TMEFF2: variants seen among roughly 807,000 people sequenced by gnomAD.
The protein encoded by TMEFF2 is tomoregulin-2.
In TMEFF2, 28 loss-of-function variants were observed where a neutral mutation model predicts 53.8. The ratio of observed to expected loss-of-function variants is 0.52; its 90% CI spans 0.39 to 0.71. The LOEUF is 0.71. TMEFF2 is among the 30% of genes least tolerant of loss of function. TMEFF2 has a pLI of 0.00. For synonymous variants in TMEFF2, 162 were observed against 166.3 expected (o/e 0.97, Z 0.20); for missense variants, 353 against 455.2 (o/e 0.78, Z 2.04).
At chr2:192,187,696 C>T (rs1369026854) in intron 2 of TMEFF2, among the ~76,000 whole-genome samples, 1 of 152,122 alleles carries the variant, frequency 6.6e-6, no homozygotes, top group Non-Finnish European at 1.5e-5. Flanking sequence ...GAAAGTGATT[C>T]TATTTTTCTA....
chr2:192,187,784 C>A (rs1043133995), intron 2 of TMEFF2, among the ~76,000 whole-genome samples: 1 of 152,330 alleles, frequency 6.6e-6, no homozygotes, highest in South Asian at 2.1e-4. Context: ...GGGCTACCCA[C>A]CACACTAGTG....
intron 5 of TMEFF2, chr2:192,030,505 G>A (rs1167202439): frequency 1.3e-5 from 2 of 152,014 alleles, no homozygotes; most frequent in Non-Finnish European, 2.9e-5. Flanking sequence ...AAAGGAATCT[G>A]TGAGCTGACC....
chr2:192,119,591 T>TA (rs1485535655), intron 4 of TMEFF2, among the ~76,000 whole-genome samples: 3 of 152,222 alleles, frequency 2.0e-5, no homozygotes, highest in Non-Finnish European at 2.9e-5. Context: ...ATCACACAGT[T>TA]ATATGCATTT....
At chr2:191,999,871 C>T (rs1686314537) in intron 5 of TMEFF2, among the ~76,000 whole-genome samples, 1 of 151,432 alleles carries the variant, frequency 6.6e-6, no homozygotes, top group Non-Finnish European at 1.5e-5. Flanking sequence ...TGTCTTGGGC[C>T]CCTTTAAGCA....
intron 4 of TMEFF2, among the ~76,000 whole-genome samples, chr2:192,075,591 G>A (rs1246768193): frequency 6.6e-6 from 1 of 151,538 alleles, no homozygotes; most frequent in Admixed American, 6.6e-5. Context: ...GGCATATAGA[G>A]ATTTAATTAT....
At position 191,987,498 on chromosome 2, in the gene TMEFF2, T is replaced by G. The variant is rs73033592; in HGVS notation, c.745+10764A>C. Among the ~76,000 whole-genome samples, 829 of 152,136 alleles carry G rather than the reference T, an allele frequency of 5.4e-3. 6 individuals carry two copies. The highest frequency in any genetic ancestry group is 0.019 in the African/African-American group (785 of 41,516). ...CTTGGCTCACTGCAACCTTGGACTC[T>G]GGGGCTCAAGCTATCCTATCACTTT... On this transcript the variant is annotated intron_variant, in intron 7 of 9. Coordinates refer to ENST00000272771, the MANE Select transcript of TMEFF2 (RefSeq NM_016192.4).
chr2:192,085,172 T>G (rs573190656), intron 4 of TMEFF2, among the ~76,000 whole-genome samples: 1 of 152,126 alleles, frequency 6.6e-6, no homozygotes, highest in Non-Finnish European at 1.5e-5. Flanking sequence ...ATTTACATGA[T>G]GTTAATACTG....
chr2:192,127,749 A>T (rs1451321653), intron 4 of TMEFF2, among the ~76,000 whole-genome samples: 1 of 152,218 alleles, frequency 6.6e-6, no homozygotes, highest in Non-Finnish European at 1.5e-5. Context: ...TTAGTTCAAT[A>T]AGTCGTGACA....
At chr2:192,065,158 T>A (rs1688137723) in intron 4 of TMEFF2, among the ~76,000 whole-genome samples, 1 of 151,890 alleles carries the variant, frequency 6.6e-6, no homozygotes, top group Admixed American at 6.6e-5. Flanking sequence ...TTAGATTTGA[T>A]AATAGTTAAG....
chr2:191,949,691 C>A lies in TMEFF2; in HGVS notation c.*620G>T. On this transcript the variant is annotated 3_prime_UTR_variant, in exon 10 of 10. Transcript: ENST00000272771. ...GTTATAAAACACTTTCCCTCCCCTT[C>A]TTCTTTTATTTAGTTTATATGCCAG... is the stretch of plus-strand genomic sequence containing the variant. 1.0e-6 allele frequency: 1 copy of A among 985,358 alleles called. No individual in the cohort carries two copies. Among genetic ancestry groups the A allele is most frequent in the Non-Finnish European group, 1.2e-6 (1 of 829,902 alleles). The allele number at this position is 985,358 out of a possible 1,614,324, so 61.0% of individuals were successfully genotyped here. A position where few individuals can be genotyped will look rare whatever the true frequency, so the allele number is the denominator to read the frequency against.
At chr2:192,151,413 T>C (rs1014388532) in intron 4 of TMEFF2, among the ~76,000 whole-genome samples, 3 of 151,898 alleles carry the variant, frequency 2.0e-5, no homozygotes, top group Admixed American at 2.0e-4. Context: ...CTGTAGTATG[T>C]ATAACTGTTT....
At chr2:191,996,072 CT>C (rs1197884734) in intron 7 of TMEFF2, among the ~76,000 whole-genome samples, 5 of 151,830 alleles carry the variant, frequency 3.3e-5, no homozygotes, top group Middle Eastern at 3.2e-3. Flanking sequence ...TAGAGATAAT[CT>C]GTTTAAAAAA....
chr2:191,956,210 A>G, intron 8 of TMEFF2, 45 bp downstream of exon 8: 1 of 1,548,966 alleles, frequency 6.5e-7, no homozygotes, highest in Non-Finnish European at 8.7e-7. Flanking sequence ...TAGTTTCTAC[A>G]TATTAACTTT....
chr2:192,146,687 A>AT (rs1415055855), intron 4 of TMEFF2, among the ~76,000 whole-genome samples: 6 of 151,374 alleles, frequency 4.0e-5, no homozygotes, highest in African/African-American at 1.2e-4. Flanking sequence ...CCAATTGCAC[A>AT]TTTTCTAACA....
At chr2:192,008,374 G>T (rs529407546) in intron 5 of TMEFF2, among the ~76,000 whole-genome samples, 1 of 152,176 alleles carries the variant, frequency 6.6e-6, no homozygotes, top group Admixed American at 6.5e-5. Context: ...CATAGGTCAC[G>T]ATTGCCTTTT....
chr2:192,003,949 C>T (rs918411592), intron 5 of TMEFF2, among the ~76,000 whole-genome samples: 1 of 150,692 alleles, frequency 6.6e-6, no homozygotes, highest in Non-Finnish European at 1.5e-5. Context: ...CTCACACTCA[C>T]CTCCATGGTG....
chr2:191,985,510 G>GAGAT (rs996770989), intron 7 of TMEFF2, among the ~76,000 whole-genome samples: 3 of 152,222 alleles, frequency 2.0e-5, no homozygotes, highest in African/African-American at 7.2e-5. Flanking sequence ...CCATCTTTCA[G>GAGAT]AGATAGTCTG....
Position 191,950,414 on chromosome 2 carries a change from G to GGTTGGAAAGTTTACAAATCT in TMEFF2, c.1029-27_1029-8dup. 1 of 1,613,888 alleles carries GGTTGGAAAGTTTACAAATCT rather than the reference G, an allele frequency of 6.2e-7. No individual in the cohort carries two copies. Among genetic ancestry groups the GGTTGGAAAGTTTACAAATCT allele is most frequent in the South Asian group, 1.1e-5 (1 of 91,068 alleles). ...GTTGCTTCTGGGGCATTTCCTGGAA[G>GGTTGGAAAGTTTACAAATCT]GTTGGAAAGTTTACAAATCTCAGTC... is the stretch of plus-strand genomic sequence containing the variant. On this transcript the variant is annotated splice_polypyrimidine_tract_variant and splice_region_variant and intron_variant, in intron 9 of 9. Coordinates refer to ENST00000272771, the MANE Select transcript of TMEFF2 (RefSeq NM_016192.4).
intron 4 of TMEFF2, among the ~76,000 whole-genome samples, chr2:192,097,221 C>G (rs1244153175): frequency 1.3e-5 from 2 of 152,216 alleles, no homozygotes; most frequent in African/African-American, 4.8e-5. Flanking sequence ...TACAAGCATA[C>G]TTACTACATT....
Sources: gnomAD v4.1 joint callset for allele counts (sites outside exome capture counted in the v4.1 genomes callset) on GRCh38, gnomAD v4.1.1 for gene constraint, MANE v1.5 for transcripts, NCBI Gene and HGNC (gene_info 2026-07-23, HGNC 2026-07-21) for gene names.